ANO2: variants seen among roughly 807,000 people sequenced by gnomAD.
The protein encoded by ANO2 is anoctamin 2.
Under a neutral mutation model 124.2 loss-of-function variants are expected in ANO2, and 101 were observed. The observed-to-expected ratio is 0.81, with a 90% CI of 0.69 to 0.96. The LOEUF (loss-of-function observed/expected upper bound fraction) is 0.96. Among genes scored for constraint, ANO2 ranks in the 40% least tolerant of loss-of-function variants. ANO2 has a pLI of 0.00. For synonymous variants in ANO2, 486 were observed against 482.5 expected, an observed-to-expected ratio of 1.01 and a Z score of -0.09; for missense variants, 1,293 against 1,274.5, an observed-to-expected ratio of 1.01 and a Z score of -0.22.
At chr12:5,913,363 G>A (rs1419105357) in intron 3 of ANO2, among the ~76,000 whole-genome samples, 1 of 152,202 alleles carries the variant, frequency 6.6e-6, no homozygotes, top group Admixed American at 6.5e-5. Context: ...GTCACCCAGG[G>A]CCAACCTGTG....
intron 3 of ANO2, among the ~76,000 whole-genome samples, chr12:5,867,794 A>C (rs56384473): frequency 0.011 from 1,726 of 151,282 alleles, 21 homozygotes; most frequent in Middle Eastern, 0.024. Context: ...AAAAAAAAAA[A>C]AAAAAACCAG....
intron 23 of ANO2, among the ~76,000 whole-genome samples, chr12:5,569,356 C>T (rs980815481): frequency 2.8e-4 from 4 of 14,148 alleles, no homozygotes; most frequent in African/African-American, 3.1e-4. Flanking sequence ...AGCTGCCAGC[C>T]GTGCCCCCAA....
intron 23 of ANO2, among the ~76,000 whole-genome samples, chr12:5,566,683 T>G (rs777762697): frequency 5.9e-5 from 9 of 152,184 alleles, no homozygotes; most frequent in Non-Finnish European, 1.3e-4. Flanking sequence ...AGGTTTCACA[T>G]TTCATCTTCA....
chr12:5,806,790 A>C (rs1034559158), intron 8 of ANO2, among the ~76,000 whole-genome samples: 4 of 151,862 alleles, frequency 2.6e-5, no homozygotes, highest in Non-Finnish European at 5.9e-5. Context: ...ATTTTCTTCA[A>C]AAAAAATTTT....
At chr12:5,631,063 T>C (rs974285527) in intron 16 of ANO2, among the ~76,000 whole-genome samples, 6 of 152,104 alleles carry the variant, frequency 3.9e-5, no homozygotes, top group Non-Finnish European at 8.8e-5. Flanking sequence ...TCGCACTAGA[T>C]ATGTGGGCTG....
chr12:5,782,999 C>T (rs1952444951), intron 10 of ANO2, among the ~76,000 whole-genome samples: 1 of 152,206 alleles, frequency 6.6e-6, no homozygotes, highest in Non-Finnish European at 1.5e-5. Flanking sequence ...GCACAATCCT[C>T]CATGGTAGAC....
chr12:5,697,328 AG>A (rs1949222652), intron 14 of ANO2, among the ~76,000 whole-genome samples: 1 of 152,126 alleles, frequency 6.6e-6, no homozygotes, highest in Non-Finnish European at 1.5e-5. Context: ...GCTACTCAGG[AG>A]GCTGAAGCAG....
At position 5,925,997 on chromosome 12, in the gene ANO2, C is replaced by G. The variant is rs1436481906; in HGVS notation, c.23-3193G>C. On this transcript the variant is annotated intron_variant, in intron 1 of 24. Coordinates refer to ENST00000682330, the MANE Select transcript of ANO2 (RefSeq NM_001364791.2). This position sits in a 1 kb window ranked among gnomAD's most constrained non-coding sequence, Gnocchi z 4.6. ...CCAGGTCCACACATTCCCCTGCCTG[C>G]TCAGCATCTACACTTGGATGTTTCC... is the stretch of plus-strand genomic sequence containing the variant. Among the ~76,000 whole-genome samples the G allele has an allele frequency of 6.6e-6, 1 of 152,002 alleles. No homozygotes were observed. Among genetic ancestry groups the G allele is most frequent in the East Asian group, 1.9e-4 (1 of 5,168 alleles).
rs1313488063 is a variant in ANO2, at chr12:5,635,039, A to G, written c.1816+113T>C. ...TTCCCCATTTCTCTAATTAAAATGCACTGTACAAAGCATCCTGTCCCTGTC... is the reference window on the plus strand; with the variant it reads ...TTCCCCATTTCTCTAATTAAAATGCGCTGTACAAAGCATCCTGTCCCTGTC... On this transcript the variant is annotated intron_variant, in intron 16 of 24. Coordinates refer to ENST00000682330, the MANE Select transcript of ANO2 (RefSeq NM_001364791.2). The surrounding 1 kb of genome is among the most constrained non-coding windows in gnomAD (Gnocchi z 5.2). 1.1e-6 allele frequency: 1 copy of G among 934,748 alleles called. No homozygotes were observed. Among genetic ancestry groups the G allele is most frequent in the Non-Finnish European group, 1.5e-6 (1 of 663,638 alleles). 57.9% of individuals were successfully genotyped at this position (934,748 alleles called of 1,614,324 possible).
chr12:5,809,262 C>T (rs1459007741), intron 7 of ANO2, among the ~76,000 whole-genome samples: 1 of 152,120 alleles, frequency 6.6e-6, no homozygotes, highest in Non-Finnish European at 1.5e-5. Context: ...GTGAAGCCAC[C>T]CTACCATAAT....
intron 13 of ANO2, among the ~76,000 whole-genome samples, chr12:5,736,317 C>G (rs1950861963): frequency 6.6e-6 from 1 of 152,162 alleles, no homozygotes; most frequent in Non-Finnish European, 1.5e-5. Flanking sequence ...GGTGACCCAC[C>G]TGCTGAAGGC....
chr12:5,585,695 A>G (rs1207000032), intron 20 of ANO2, among the ~76,000 whole-genome samples: 1 of 152,166 alleles, frequency 6.6e-6, no homozygotes, highest in East Asian at 1.9e-4. Context: ...TTATTCATTC[A>G]TCCTTCCTCC....
chr12:5,808,027 C>A (rs7311862), intron 7 of ANO2, among the ~76,000 whole-genome samples: 59,653 of 152,112 alleles, frequency 0.39, 14,053 homozygotes, highest in East Asian at 0.51. Flanking sequence ...TGACATCATC[C>A]CCTATGGCTA....
At chr12:5,616,366 T>C (rs867010856) in intron 16 of ANO2, among the ~76,000 whole-genome samples, 41 of 152,278 alleles carry the variant, frequency 2.7e-4, no homozygotes, top group Middle Eastern at 6.8e-3. Context: ...GCCTCTTACA[T>C]AGGACTCTTT....
chr12:5,694,476 G>C (rs1022003361), intron 14 of ANO2, among the ~76,000 whole-genome samples: 1 of 152,088 alleles, frequency 6.6e-6, no homozygotes, highest in Non-Finnish European at 1.5e-5. Context: ...ACCAGCTCCC[G>C]AGTGTCCCCA....
At chr12:5,710,144 G>C (rs1275733290) in intron 14 of ANO2, among the ~76,000 whole-genome samples, 1 of 152,230 alleles carries the variant, frequency 6.6e-6, no homozygotes, top group African/African-American at 2.4e-5. Flanking sequence ...CCCTGTGAAA[G>C]CCCAAGAATG....
intron 14 of ANO2, among the ~76,000 whole-genome samples, chr12:5,708,145 C>T (rs181673785): frequency 6.6e-6 from 1 of 152,298 alleles, no homozygotes; most frequent in Admixed American, 6.5e-5. Context: ...GGTTCTTTTC[C>T]CTTCACCAAA....
intron 16 of ANO2, among the ~76,000 whole-genome samples, chr12:5,620,627 G>A (rs1415691319): frequency 3.3e-5 from 5 of 152,094 alleles, no homozygotes; most frequent in Non-Finnish European, 4.4e-5. Flanking sequence ...TATAGCAGGC[G>A]TTGAATTGGA....
intron 14 of ANO2, among the ~76,000 whole-genome samples, chr12:5,665,186 C>T (rs1947638984): frequency 6.6e-6 from 1 of 152,156 alleles, no homozygotes; most frequent in African/African-American, 2.4e-5. Flanking sequence ...ACTGGACCTC[C>T]AAGAAGTGAT....
Sources: gnomAD v4.1 joint callset for allele counts (sites outside exome capture counted in the v4.1 genomes callset) on GRCh38, gnomAD v4.1.1 for gene constraint, Gnocchi (gnomAD v3.1) non-coding constraint, MANE v1.5 for transcripts, NCBI Gene and HGNC (gene_info 2026-07-23, HGNC 2026-07-21) for gene names.